CCDC171: variants seen among roughly 807,000 people sequenced by gnomAD.
CCDC171 encodes coiled-coil domain containing 171.
In CCDC171, 177 loss-of-function variants were observed where a neutral mutation model predicts 168.2. The observed-to-expected ratio is 1.05, with a 90% CI of 0.93 to 1.19. The LOEUF (loss-of-function observed/expected upper bound fraction) is 1.19, where lower values mean the gene tolerates loss of function less well. CCDC171 is among the 50% of genes most tolerant of loss of function. CCDC171 has a pLI of 0.00. For missense variants in CCDC171, 1,991 were observed against 1,539.0 expected (o/e 1.29, Z -4.91); for synonymous variants, 687 against 540.8 (o/e 1.27, Z -3.75).
intron 21 of CCDC171, among the ~76,000 whole-genome samples, chr9:15,822,294 C>T (rs572456637): frequency 1.8e-3 from 272 of 152,156 alleles, no homozygotes; most frequent in Admixed American, 2.4e-3. Flanking sequence ...ATGTCTAAAA[C>T]ACCGAAGGCA....
At chr9:16,009,965 A>G (rs1456616007) in intron 3 of CCDC171, among the ~76,000 whole-genome samples, 1 of 152,188 alleles carries the variant, frequency 6.6e-6, no homozygotes, top group Admixed American at 6.5e-5. Flanking sequence ...TTTTTATTCC[A>G]AAACAAGAAT....
the CCDC171 span, among the ~76,000 whole-genome samples, chr9:16,067,217 G>C: frequency 6.6e-6 from 1 of 152,044 alleles, no homozygotes; most frequent in African/African-American, 2.4e-5. Flanking sequence ...GGCCAGTGAT[G>C]ATGAGCATTT....
At chr9:15,590,581 A>C (rs943002731) in intron 4 of CCDC171, among the ~76,000 whole-genome samples, 2 of 152,172 alleles carry the variant, frequency 1.3e-5, no homozygotes, top group Non-Finnish European at 1.5e-5. Flanking sequence ...AAATCTGGCA[A>C]AGTAAATAGT....
At chr9:16,019,639 C>G (rs901343004) in intron 3 of CCDC171, among the ~76,000 whole-genome samples, 26 of 152,176 alleles carry the variant, frequency 1.7e-4, no homozygotes, top group Admixed American at 1.3e-3. Flanking sequence ...GGAAAGGCTA[C>G]AGTCTACAAT....
At chr9:16,058,377 T>G (rs75465041) in intron 1 of CCDC171, among the ~76,000 whole-genome samples, 1,867 of 152,234 alleles carry the variant, frequency 0.012, 46 homozygotes, top group African/African-American at 0.043. Flanking sequence ...TCAGCCCCCT[T>G]GCCTGTTACC....
chr9:15,858,767 A>G (rs1489784651), intron 23 of CCDC171, among the ~76,000 whole-genome samples: 2 of 152,074 alleles, frequency 1.3e-5, no homozygotes, highest in Admixed American at 1.3e-4. Context: ...AGGATGTTCC[A>G]TACGTAAGGA....
At chr9:15,760,036 C>G (rs2056359336) in intron 18 of CCDC171, among the ~76,000 whole-genome samples, 1 of 152,070 alleles carries the variant, frequency 6.6e-6, no homozygotes, top group African/African-American at 2.4e-5. Context: ...TTGGGGAAAT[C>G]TATTTAGTAA....
chr9:15,764,775 A>G (rs2056632603), intron 18 of CCDC171, among the ~76,000 whole-genome samples: 1 of 152,202 alleles, frequency 6.6e-6, no homozygotes, highest in Non-Finnish European at 1.5e-5. Flanking sequence ...GAAGTCATGT[A>G]GGGTAGTGAT....
Position 15,919,954 on chromosome 9 carries a change from A to C in CCDC171, c.3601-316A>C, listed in dbSNP as rs561464864. On this transcript the variant is annotated intron_variant, in intron 24 of 25. Transcript: ENST00000380701. ...AAGATGGAAATTTAGGTCAAATTAC[A>C]ACTTGAATTTAACTTTACTACAGAA... 2.6e-5 allele frequency among the ~76,000 whole-genome samples: 4 copies of C among 151,780 alleles called. No homozygotes were observed. The East Asian group carries it at 7.7e-4, about 29-fold the overall frequency.
At chr9:15,897,233 C>G (rs1238973383) in intron 24 of CCDC171, among the ~76,000 whole-genome samples, 1 of 151,988 alleles carries the variant, frequency 6.6e-6, no homozygotes, top group African/African-American at 2.4e-5. Context: ...ATACATAGCA[C>G]ATTATCATTT....
intron 1 of CCDC171, among the ~76,000 whole-genome samples, chr9:16,056,492 T>C (rs1156925547): frequency 6.6e-6 from 1 of 152,150 alleles, no homozygotes; most frequent in Admixed American, 6.5e-5. Context: ...TTTGTTTTAT[T>C]TTGTTTTGTT....
At position 15,767,808 on chromosome 9, in the gene CCDC171, TTTTTC is replaced by T. The variant is rs138796601; in HGVS notation, c.2672-9778_2672-9774del. 1.7e-3 allele frequency among the ~76,000 whole-genome samples: 221 copies of T among 129,012 alleles called. 20 individuals carry two copies. The highest frequency in any genetic ancestry group is 2.2e-3 in the Non-Finnish European group (127 of 58,784). The allele number at this position is 129,012 out of a possible 152,430, so 84.6% of individuals were successfully genotyped here. On this transcript the variant is annotated intron_variant, in intron 18 of 25. Transcript: ENST00000380701. ...TGTGTGCCCTATGGGCTCTTTTTCT[TTTTTC>T]TTTTCTTTTCTTTCCCTCCTTCCCT...
intron 7 of CCDC171, among the ~76,000 whole-genome samples, chr9:15,644,423 G>A (rs150490856): frequency 8.5e-5 from 13 of 152,236 alleles, no homozygotes; most frequent in South Asian, 2.1e-4. Flanking sequence ...CCCAGTGAGC[G>A]TGAGCCTAAG....
intron 24 of CCDC171, among the ~76,000 whole-genome samples, chr9:15,910,277 A>G (rs988337876): frequency 2.0e-5 from 3 of 152,160 alleles, no homozygotes; most frequent in African/African-American, 4.8e-5. Flanking sequence ...GGATAGTGCT[A>G]CAACAGACAT....
intron 3 of CCDC171, among the ~76,000 whole-genome samples, chr9:15,575,463 C>A (rs1025775801): frequency 6.6e-6 from 1 of 151,906 alleles, no homozygotes; most frequent in African/African-American, 2.4e-5. Flanking sequence ...TGTGAGCCAC[C>A]GTACTCGGCT....
At chr9:15,834,976 CAGAACAT>C (rs1160129386) in intron 21 of CCDC171, among the ~76,000 whole-genome samples, 1 of 152,148 alleles carries the variant, frequency 6.6e-6, no homozygotes, top group Non-Finnish European at 1.5e-5. Flanking sequence ...TCCTGTGACA[CAGAACAT>C]AGAGTCCTTG....
chr9:15,788,974 G>A (rs2058109987), intron 21 of CCDC171, among the ~76,000 whole-genome samples: 1 of 151,386 alleles, frequency 6.6e-6, no homozygotes, highest in African/African-American at 2.4e-5. Flanking sequence ...TAAATGCACT[G>A]CATTTATTGC....
chr9:15,836,344 C>T (rs2060449881), intron 21 of CCDC171, among the ~76,000 whole-genome samples: 1 of 151,976 alleles, frequency 6.6e-6, no homozygotes, highest in African/African-American at 2.4e-5. Flanking sequence ...CGCTGTTGGT[C>T]TTGTTTTATT....
At chr9:15,805,619 A>T (rs923938433) in intron 21 of CCDC171, among the ~76,000 whole-genome samples, 1 of 152,070 alleles carries the variant, frequency 6.6e-6, no homozygotes, top group African/African-American at 2.4e-5. Flanking sequence ...GTTTGTTATG[A>T]TTTCAGTTCT....
Sources: allele counts gnomAD v4.1 joint callset (sites outside exome capture counted in the v4.1 genomes callset), GRCh38; gene constraint gnomAD v4.1.1; transcripts MANE v1.5; gene names NCBI Gene and HGNC (gene_info 2026-07-23, HGNC 2026-07-21).